Variants in MAST2 observed in about 807,000 individuals in gnomAD.
MAST2 encodes the protein microtubule associated serine/threonine kinase 2.
Under a neutral mutation model 147.4 loss-of-function variants are expected in MAST2, and 70 were observed. That is an observed-to-expected ratio of 0.47 (90% CI 0.39 to 0.58). The LOEUF (loss-of-function observed/expected upper bound fraction) is 0.58, where lower values mean the gene tolerates loss of function less well. Ranked by LOEUF, MAST2 falls within the 20% of genes least tolerant of loss-of-function variation. The probability of loss-of-function intolerance (pLI) is 0.00; values close to 1 mark genes in which losing one functional copy is unlikely to be tolerated. For missense variants in MAST2, 2,080 were observed against 2,302.3 expected (o/e 0.90, Z 1.98); for synonymous variants, 869 against 896.8 (o/e 0.97, Z 0.55).
intron 3 of MAST2, among the ~76,000 whole-genome samples, chr1:45,836,179 C>G (rs1645096569): frequency 6.6e-6 from 1 of 152,178 alleles, no homozygotes; most frequent in Non-Finnish European, 1.5e-5. Context: ...AACTACCACA[C>G]TTTTGGTTTG....
Position 46,023,736 on chromosome 1 carries a change from G to T in MAST2, c.1572-36G>T. On this transcript the variant is annotated intron_variant, in intron 14 of 28. Coordinates refer to ENST00000361297, the MANE Select transcript of MAST2 (RefSeq NM_015112.3). The surrounding 1 kb of genome is among the most constrained non-coding windows in gnomAD (Gnocchi z 4.9). ...GCAGAGAGCACAGCTCAGGTGCTGA[G>T]GGTCCATGGGGGATGGGCCGGACTT... 1.9e-6 allele frequency: 3 copies of T among 1,596,304 alleles called. No individual in the cohort carries two copies. Among genetic ancestry groups the T allele is most frequent in the Non-Finnish European group, 2.6e-6 (3 of 1,167,094 alleles).
chr1:45,970,068 A>T (rs550632671), intron 5 of MAST2, among the ~76,000 whole-genome samples: 1 of 152,276 alleles, frequency 6.6e-6, no homozygotes, highest in African/African-American at 2.4e-5. Context: ...AGCAAGTTAG[A>T]TGCAAACAAA....
At chr1:45,890,002 C>T (rs1353319498) in intron 4 of MAST2, among the ~76,000 whole-genome samples, 2 of 152,054 alleles carry the variant, frequency 1.3e-5, no homozygotes, top group East Asian at 3.9e-4. Context: ...CTCGGCCTCC[C>T]AAAAGTGCTG....
At chr1:45,879,466 G>A (rs1450372798) in intron 3 of MAST2, among the ~76,000 whole-genome samples, 2 of 151,354 alleles carry the variant, frequency 1.3e-5, no homozygotes, top group African/African-American at 4.9e-5. Flanking sequence ...CCAGCTACTT[G>A]AGAGGCTGGG....
intron 5 of MAST2, among the ~76,000 whole-genome samples, chr1:45,965,309 G>A (rs1661020745): frequency 6.6e-6 from 1 of 152,162 alleles, no homozygotes; most frequent in South Asian, 2.1e-4. Context: ...GTCTAATGTT[G>A]ACAGTGGGGT....
chr1:45,907,901 C>G (rs1651036547), intron 4 of MAST2, among the ~76,000 whole-genome samples: 1 of 152,030 alleles, frequency 6.6e-6, no homozygotes, highest in Non-Finnish European at 1.5e-5. Context: ...ATTTTTTGAA[C>G]TTTTTGTCTA....
chr1:45,888,837 C>T (rs554915208), intron 4 of MAST2, among the ~76,000 whole-genome samples: 3 of 151,684 alleles, frequency 2.0e-5, no homozygotes, highest in East Asian at 3.9e-4. Context: ...GTGTGCACCA[C>T]GCCTGGCTAA....
At chr1:45,827,231 G>A (rs937270045) in intron 2 of MAST2, among the ~76,000 whole-genome samples, 1 of 152,218 alleles carries the variant, frequency 6.6e-6, no homozygotes, top group Admixed American at 6.6e-5. Context: ...TTATGCATTA[G>A]CCTCTTGAAT....
At chr1:45,883,227 C>A (rs1481225232) in intron 4 of MAST2, among the ~76,000 whole-genome samples, 1 of 152,154 alleles carries the variant, frequency 6.6e-6, no homozygotes, top group Non-Finnish European at 1.5e-5. Flanking sequence ...GAGGAGATCA[C>A]AACAGCATTC....
At chr1:45,879,022 A>G (rs931491684) in intron 3 of MAST2, among the ~76,000 whole-genome samples, 5 of 152,112 alleles carry the variant, frequency 3.3e-5, no homozygotes, top group Non-Finnish European at 7.4e-5. Context: ...TTGGAAAATA[A>G]TAAAGTTAAA....
chr1:45,981,875 C>G (rs900426744), intron 5 of MAST2, among the ~76,000 whole-genome samples: 6 of 145,826 alleles, frequency 4.1e-5, no homozygotes, highest in Non-Finnish European at 8.9e-5. Flanking sequence ...GAGTCTTGCT[C>G]TGTTGCCCAG....
intron 5 of MAST2, among the ~76,000 whole-genome samples, chr1:45,973,459 C>T (rs990378264): frequency 1.3e-5 from 2 of 152,108 alleles, no homozygotes; most frequent in East Asian, 1.9e-4. Context: ...TGGGAACCTT[C>T]GATAACTATA....
chr1:45,981,396 T>G (rs1330696961), intron 5 of MAST2, among the ~76,000 whole-genome samples: 1 of 151,632 alleles, frequency 6.6e-6, no homozygotes, highest in African/African-American at 2.4e-5. Flanking sequence ...TTAAGGATAG[T>G]TTGGTGGGCA....
At chr1:45,831,531 A>G (rs759307449) in intron 3 of MAST2, among the ~76,000 whole-genome samples, 15 of 152,112 alleles carry the variant, frequency 9.9e-5, no homozygotes, top group Non-Finnish European at 1.5e-4. Context: ...TTATTTTGAA[A>G]TTTTGAAATC....
chr1:46,017,414 G>T (rs74392699), intron 10 of MAST2, among the ~76,000 whole-genome samples: 1 of 152,070 alleles, frequency 6.6e-6, no homozygotes, highest in Non-Finnish European at 1.5e-5. Context: ...GAAAATTTTC[G>T]CAACCTACTC....
intron 10 of MAST2, among the ~76,000 whole-genome samples, 182 bp from the exon 11 acceptor site, chr1:46,019,414 A>G (rs1174959169): frequency 1.3e-5 from 2 of 152,142 alleles, no homozygotes; most frequent in South Asian, 2.1e-4. Context: ...TAAAGCAGAA[A>G]TGGTTCCCTA....
chr1:45,915,875 A>G (rs1210123881), intron 4 of MAST2, among the ~76,000 whole-genome samples: 1 of 152,194 alleles, frequency 6.6e-6, no homozygotes, highest in Non-Finnish European at 1.5e-5. Flanking sequence ...GTGCTGTCTA[A>G]TGTTCTAATT....
At chr1:45,820,416 G>A (rs1445541996) in intron 1 of MAST2, among the ~76,000 whole-genome samples, 2 of 151,882 alleles carry the variant, frequency 1.3e-5, no homozygotes, top group Non-Finnish European at 2.9e-5. Context: ...GTTGCTATGG[G>A]GATTACATGT....
At chr1:45,881,179 T>TGTTTAC (rs1212796897) in intron 3 of MAST2, among the ~76,000 whole-genome samples, 2 of 152,090 alleles carry the variant, frequency 1.3e-5, no homozygotes, top group African/African-American at 4.8e-5. Flanking sequence ...ACTACAAGAA[T>TGTTTAC]GTTTACAAGA....
Sources: gnomAD v4.1 joint callset for allele counts (sites outside exome capture counted in the v4.1 genomes callset) on GRCh38, gnomAD v4.1.1 for gene constraint, Gnocchi (gnomAD v3.1) non-coding constraint, MANE v1.5 for transcripts, NCBI Gene and HGNC (gene_info 2026-07-23, HGNC 2026-07-21) for gene names.